STAU1: variants seen among roughly 807,000 people sequenced by gnomAD.
STAU1 encodes staufen double-stranded RNA binding protein 1.
In STAU1, 13 loss-of-function variants were observed where a neutral mutation model predicts 62.9. The ratio of observed to expected loss-of-function variants is 0.21; its 90% CI spans 0.13 to 0.33. STAU1 has a LOEUF of 0.33. STAU1 is among the 10% of genes least tolerant of loss of function. The pLI is 1.00. For missense variants in STAU1, 571 were observed against 712.1 expected (o/e 0.80, Z 2.25); for synonymous variants, 269 against 265.1 (o/e 1.01, Z -0.14).
the STAU1 span, among the ~76,000 whole-genome samples, chr20:49,210,137 T>C: frequency 2.6e-5 from 4 of 152,164 alleles, no homozygotes; most frequent in Non-Finnish European, 5.9e-5. Context: ...TGTGGGTTCC[T>C]CTCCTGACCA....
intron 10 of STAU1, 105 bp downstream of exon 10, chr20:49,118,228 C>A: frequency 7.3e-7 from 1 of 1,379,166 alleles, no homozygotes; most frequent in Non-Finnish European, 1.0e-6. Flanking sequence ...ATGATAAAGA[C>A]ACTTTGCATG....
At chr20:49,154,976 C>G (rs1228909295) in intron 3 of STAU1, among the ~76,000 whole-genome samples, 1 of 152,100 alleles carries the variant, frequency 6.6e-6, no homozygotes, top group Non-Finnish European at 1.5e-5. Flanking sequence ...ATCCCATCTA[C>G]TCAGGAGGCT....
the STAU1 span, among the ~76,000 whole-genome samples, chr20:49,201,062 AAAAAAAAAAAAG>A: frequency 5.2e-4 from 72 of 138,420 alleles, no homozygotes; most frequent in Middle Eastern, 6.9e-3. Context: ...AAAAAAAAAA[AAAAAAAAAAAAG>A]AAGAAGAAGA....
At chr20:49,120,235 A>G in intron 8 of STAU1, 107 bp from the exon 9 acceptor site, 1 of 1,323,994 alleles carries the variant, frequency 7.6e-7, no homozygotes, top group Non-Finnish European at 1.0e-6. Context: ...GAAGCAAGAT[A>G]ACAGCAGTGC....
At chr20:49,137,830 T>TA (rs2092921794) in intron 5 of STAU1, among the ~76,000 whole-genome samples, 1 of 121,612 alleles carries the variant, frequency 8.2e-6, no homozygotes, top group Non-Finnish European at 1.7e-5. Flanking sequence ...CACACCCGGC[T>TA]AATTTTTTTT....
At position 49,180,395 on chromosome 20, in the gene STAU1, G is replaced by C. The variant is rs560777778; in HGVS notation, c.-159-6126C>G. ...CTGAAGTGCAGCGGCACGATGTCAG[G>C]TCACTGCAAACTCCACCTCCCGGGT... On this transcript the variant is annotated intron_variant, in intron 1 of 13. Transcript: ENST00000371856. Among the ~76,000 whole-genome samples the C allele has an allele frequency of 2.9e-3, 441 of 151,498 alleles. 1 individual carries two copies. The highest frequency in any genetic ancestry group is 4.3e-3 in the Non-Finnish European group (290 of 67,900).
intron 7 of STAU1, 43 bp from the exon 8 acceptor site, chr20:49,123,278 G>C (rs890714045): frequency 6.2e-7 from 1 of 1,613,330 alleles, no homozygotes; most frequent in Non-Finnish European, 8.5e-7. Context: ...GTTATTCACC[G>C]CATGAACTTG....
At position 49,124,596 on chromosome 20, in the gene STAU1, G is replaced by T; in HGVS notation, c.610-9C>A. ...CCACTCTCCCGGGCCACCTGTTTCA[G>T]AGGGAAAGACTGAGTGAAAGCGGAC... On this transcript the variant is annotated splice_polypyrimidine_tract_variant and intron_variant, in intron 6 of 13. Coordinates refer to ENST00000371856, the MANE Select transcript of STAU1 (RefSeq NM_017453.4). 6.2e-7 allele frequency: 1 copy of T among 1,613,446 alleles called. No individual in the cohort carries two copies.
intron 6 of STAU1, among the ~76,000 whole-genome samples, chr20:49,127,081 G>A (rs573776456): frequency 1.8e-4 from 28 of 152,282 alleles, no homozygotes; most frequent in Middle Eastern, 3.4e-3. Context: ...CTGGCCGGGC[G>A]CGGTGGCTCA....
At chr20:49,199,730 G>A in the STAU1 span, among the ~76,000 whole-genome samples, 1 of 151,572 alleles carries the variant, frequency 6.6e-6, no homozygotes, top group South Asian at 2.1e-4. Context: ...CTGCCACCAC[G>A]CCCAGCTAAG....
the STAU1 span, among the ~76,000 whole-genome samples, chr20:49,209,182 GC>G: frequency 6.6e-6 from 1 of 151,170 alleles, no homozygotes; most frequent in Non-Finnish European, 1.5e-5. Flanking sequence ...TGATTTGCCT[GC>G]CTCGGCCTTC....
rs532258040 is a variant in STAU1, at chr20:49,162,693, G to A, written c.205+3304C>T. On this transcript the variant is annotated intron_variant, in intron 3 of 13. Transcript: ENST00000371856. ...CAGGAGACTGAGGCAGGAGAATGGC[G>A]TGAACCCGGGAGGCAGAGCTTGCAG... 1.9e-3 allele frequency among the ~76,000 whole-genome samples: 291 copies of A among 150,314 alleles called. 3 individuals carry two copies. Among genetic ancestry groups the A allele is most frequent in the African/African-American group, 6.2e-3 (254 of 40,946 alleles).
At chr20:49,197,493 C>T in the STAU1 span, among the ~76,000 whole-genome samples, 324 of 151,450 alleles carry the variant, frequency 2.1e-3, 1 homozygote, top group Non-Finnish European at 3.7e-3. Context: ...CTCTGCCTGC[C>T]GGGTTCCACT....
At chr20:49,184,357 G>A (rs113782546) in intron 1 of STAU1, among the ~76,000 whole-genome samples, 1,795 of 152,200 alleles carry the variant, frequency 0.012, 39 homozygotes, top group African/African-American at 0.04. Flanking sequence ...AGCAGCTTAG[G>A]GTGCAAGGCC....
chr20:49,198,005 C>T, the STAU1 span, among the ~76,000 whole-genome samples: 1 of 152,128 alleles, frequency 6.6e-6, no homozygotes, highest in African/African-American at 2.4e-5. Flanking sequence ...CCACACTGCC[C>T]AGCCATATCT....
intron 1 of STAU1, among the ~76,000 whole-genome samples, chr20:49,178,114 C>G (rs997846746): frequency 2.0e-5 from 3 of 151,864 alleles, no homozygotes; most frequent in Non-Finnish European, 4.4e-5. Flanking sequence ...AAGATTGAGG[C>G]TGCAGTGAGC....
At chr20:49,202,230 A>AAAAGAAAGAAAG in the STAU1 span, among the ~76,000 whole-genome samples, 5,189 of 130,188 alleles carry the variant, frequency 0.04, 403 homozygotes, top group African/African-American at 0.14. Flanking sequence ...AAAAAAAAAA[A>AAAAGAAAGAAAG]AAAGAAAGAA....
the STAU1 span, among the ~76,000 whole-genome samples, chr20:49,206,407 C>T: frequency 1.4e-5 from 2 of 146,956 alleles, no homozygotes; most frequent in Admixed American, 6.9e-5. Context: ...TTGGCATCTT[C>T]CTTCTGGTTT....
At chr20:49,177,858 T>C (rs2093679004) in intron 1 of STAU1, among the ~76,000 whole-genome samples, 1 of 152,074 alleles carries the variant, frequency 6.6e-6, no homozygotes, top group Admixed American at 6.5e-5. Context: ...CAAATACTTT[T>C]ACACAGTGAT....
Sources: gnomAD v4.1 joint callset for allele counts (sites outside exome capture counted in the v4.1 genomes callset) on GRCh38, gnomAD v4.1.1 for gene constraint, MANE v1.5 for transcripts, NCBI Gene and HGNC (gene_info 2026-07-23, HGNC 2026-07-21) for gene names.